The following RGL1 variants were observed in gnomAD, a reference collection of about 807,000 sequenced individuals.
RGL1 encodes the protein ral guanine nucleotide dissociation stimulator like 1.
RGL1 carries 24 observed loss-of-function variants against 95.2 expected under a neutral mutation model. That is an observed-to-expected ratio of 0.25 (90% CI 0.18 to 0.35). The LOEUF (loss-of-function observed/expected upper bound fraction) is 0.35, where lower values mean the gene tolerates loss of function less well. RGL1 is among the 10% of genes least tolerant of loss of function. The pLI is 1.00. For synonymous variants in RGL1, 329 were observed against 344.9 expected (o/e 0.95, Z 0.51); for missense variants, 715 against 936.3 (o/e 0.76, Z 3.08).
chr1:183,801,419 G>A (rs142965647), upstream of RGL1, among the ~76,000 whole-genome samples: 3,458 of 151,706 alleles, frequency 0.023, 54 homozygotes, highest in Middle Eastern at 0.037. Context: ...TACATGATTT[G>A]CAAATATTTT....
intron 1 of RGL1, among the ~76,000 whole-genome samples, chr1:183,726,886 T>G (rs1487466622): frequency 6.6e-6 from 1 of 152,162 alleles, no homozygotes; most frequent in Non-Finnish European, 1.5e-5. Context: ...GAGCACCATG[T>G]TGTTACTCAA....
intron 1 of RGL1, among the ~76,000 whole-genome samples, chr1:183,716,380 A>G (rs1439792680): frequency 1.3e-5 from 2 of 152,242 alleles, no homozygotes; most frequent in Non-Finnish European, 2.9e-5. Context: ...CTTGCTTGTT[A>G]CAAAGTACTG....
At chr1:183,784,581 C>T (rs1422674358) in intron 2 of RGL1, among the ~76,000 whole-genome samples, 1 of 152,150 alleles carries the variant, frequency 6.6e-6, no homozygotes, top group Non-Finnish European at 1.5e-5. Context: ...CTTTTAATGC[C>T]TTCTGCTTAA....
chr1:183,670,434 T>C (rs1422115558), intron 1 of RGL1, among the ~76,000 whole-genome samples: 4 of 152,226 alleles, frequency 2.6e-5, no homozygotes, highest in Non-Finnish European at 5.9e-5. Context: ...ATATTTGCTG[T>C]CAGGTAGAGC....
chr1:183,735,879 AG>A (rs1656906523), intron 1 of RGL1, among the ~76,000 whole-genome samples: 1 of 152,206 alleles, frequency 6.6e-6, no homozygotes, highest in Non-Finnish European at 1.5e-5. Context: ...GAAATAGACT[AG>A]TGAGATCACT....
chr1:183,722,953 T>C (rs1656095398), intron 1 of RGL1, among the ~76,000 whole-genome samples: 2 of 152,146 alleles, frequency 1.3e-5, no homozygotes, highest in Admixed American at 1.3e-4. Context: ...AAGGCAACAG[T>C]AGACTGCTTA....
intron 1 of RGL1, among the ~76,000 whole-genome samples, chr1:183,657,450 CCCA>C (rs1165459642): frequency 2.6e-5 from 4 of 151,762 alleles, no homozygotes; most frequent in Non-Finnish European, 5.9e-5. Context: ...CTCCCTCCAC[CCCA>C]CAACAGTCCC....
At chr1:183,903,051 A>G (rs1446898259) in intron 12 of RGL1, among the ~76,000 whole-genome samples, 10 of 152,340 alleles carry the variant, frequency 6.6e-5, no homozygotes, top group Middle Eastern at 3.4e-3. Context: ...GAAGTAATGC[A>G]TATGTTAGTT....
At chr1:183,771,704 G>A (rs1256629983) in intron 2 of RGL1, among the ~76,000 whole-genome samples, 1 of 152,170 alleles carries the variant, frequency 6.6e-6, no homozygotes, top group African/African-American at 2.4e-5. Context: ...GATAGCGGAG[G>A]ACATGGTCCC....
chr1:183,805,310 T>C lies in RGL1; in HGVS notation c.13T>C (p.Trp5Arg). 6.2e-7 allele frequency: 1 copy of C among 1,611,986 alleles called. No homozygotes were observed. The highest frequency in any genetic ancestry group is 8.5e-7 in the Non-Finnish European group (1 of 1,179,612). The change falls in exon 1 of 18, where the codon TGG becomes CGG. Residue 5 changes from tryptophan (W) to arginine (R), a missense_variant. Trp to Arg is a moderately radical substitution (Grantham distance 101). Coordinates refer to ENST00000360851, the MANE Select transcript of RGL1 (RefSeq NM_001297671.3). ...GAGAAAACTGAGAATGAAATTGCTT[T>C]GGCAAGCTAAAATGGTAACGAGAGC... Reference protein sequence around the residue: MKLLWQAKMSSIQDW... With the variant: MKLLRQAKMSSIQDW...
rs114039994 is a variant in RGL1 at position 183,719,320 on chromosome 1, G to T, written c.-32-22806G>T. Among the ~76,000 whole-genome samples, 441 of 152,272 alleles carry T rather than the reference G, an allele frequency of 2.9e-3. 5 individuals are homozygous for T. Among genetic ancestry groups the T allele is most frequent in the African/African-American group, 0.01 (424 of 41,568 alleles). On this transcript the variant is annotated intron_variant, in intron 1 of 18. Transcript: ENST00000304685. ...AGTCCTGCACCTTGACTACAGTGTG[G>T]TCTCTTCTCCTCCTTGTAGTTCATT... is the stretch of plus-strand genomic sequence containing the variant.
intron 4 of RGL1, among the ~76,000 whole-genome samples, chr1:183,873,643 G>T (rs1190906378): frequency 6.6e-6 from 1 of 152,174 alleles, no homozygotes; most frequent in Non-Finnish European, 1.5e-5. Context: ...AGTACATGAA[G>T]AACTAGATTA....
chr1:183,755,329 C>T (rs1658259354), intron 2 of RGL1, among the ~76,000 whole-genome samples: 1 of 151,874 alleles, frequency 6.6e-6, no homozygotes, highest in South Asian at 2.1e-4. Flanking sequence ...ATCAGTTTGT[C>T]AAGTATATTT....
At chr1:183,887,039 T>G (rs967219574) in intron 7 of RGL1, among the ~76,000 whole-genome samples, 18 of 152,052 alleles carry the variant, frequency 1.2e-4, no homozygotes, top group African/African-American at 4.3e-4. Context: ...GTTCCTTTTT[T>G]TATTGCAAGT....
intron 2 of RGL1, among the ~76,000 whole-genome samples, chr1:183,841,760 G>A (rs566476973): frequency 6.6e-6 from 1 of 152,314 alleles, no homozygotes; most frequent in Non-Finnish European, 1.5e-5. Context: ...AATTTATGCA[G>A]TTGAGTAATA....
At chr1:183,656,435 T>C (rs1651170840) in intron 1 of RGL1, among the ~76,000 whole-genome samples, 1 of 152,252 alleles carries the variant, frequency 6.6e-6, no homozygotes, top group African/African-American at 2.4e-5. Flanking sequence ...AATTGTAACC[T>C]AACTGGAATG....
intron 2 of RGL1, among the ~76,000 whole-genome samples, chr1:183,825,803 C>T (rs1353161047): frequency 6.6e-6 from 1 of 152,156 alleles, no homozygotes; most frequent in Non-Finnish European, 1.5e-5. Context: ...AACTGACAAT[C>T]CCAGTGGAAG....
At chr1:183,877,712 T>C (rs1044719643) in intron 4 of RGL1, among the ~76,000 whole-genome samples, 1 of 152,128 alleles carries the variant, frequency 6.6e-6, no homozygotes, top group Non-Finnish European at 1.5e-5. Context: ...AGTATCTGAG[T>C]TTGTGGTGAA....
chr1:183,693,545 T>C (rs769808916), intron 1 of RGL1, among the ~76,000 whole-genome samples: 1 of 151,432 alleles, frequency 6.6e-6, no homozygotes, highest in Non-Finnish European at 1.5e-5. Flanking sequence ...CTTAAGTTCA[T>C]GCTATCTGAC....
Sources: gnomAD v4.1 joint callset for allele counts (sites outside exome capture counted in the v4.1 genomes callset) on GRCh38, gnomAD v4.1.1 for gene constraint, MANE v1.5 for transcripts, NCBI Gene and HGNC (gene_info 2026-07-23, HGNC 2026-07-21) for gene names.